LMNB2: variants seen among roughly 807,000 people sequenced by gnomAD.
The protein encoded by LMNB2 is lamin B2.
A neutral mutation model predicts 69.3 loss-of-function variants in LMNB2; 17 were observed. The observed-to-expected ratio is 0.25, with a 90% CI of 0.17 to 0.37. LMNB2 has a LOEUF of 0.37. Among genes scored for constraint, LMNB2 ranks in the 10% least tolerant of loss-of-function variants. LMNB2 has a pLI of 1.00. For missense variants in LMNB2, 789 were observed against 883.6 expected, an observed-to-expected ratio of 0.89 and a Z score of 1.36; for synonymous variants, 397 against 389.3, an observed-to-expected ratio of 1.02 and a Z score of -0.23.
chr19:2,440,055 C>A (rs1444702804), intron 2 of LMNB2, among the ~76,000 whole-genome samples: 1 of 151,982 alleles, frequency 6.6e-6, no homozygotes. Context: ...CAAAAGACCA[C>A]CTAGGCATTT....
At chr19:2,449,650 G>A (rs1365428932) in intron 1 of LMNB2, among the ~76,000 whole-genome samples, 2 of 151,604 alleles carry the variant, frequency 1.3e-5, no homozygotes, top group East Asian at 1.9e-4. Context: ...GGTGGTAGGC[G>A]CCTGTAATCC....
intron 1 of LMNB2, among the ~76,000 whole-genome samples, chr19:2,450,448 G>A (rs1297568298): frequency 1.5e-5 from 2 of 130,738 alleles, no homozygotes; most frequent in Non-Finnish European, 3.2e-5. Flanking sequence ...TACAACTTTG[G>A]GAGGCTGAGG....
chr19:2,432,472 C>T lies in LMNB2; in HGVS notation c.1534G>A (p.Glu512Lys). The part of the protein sequence containing the change: ...RIKRQVLEGE[E>K]IAYKFTPKYI... ...TTGGGCGTGAACTTGTAGGCGATCT[C>T]CTCCCCCTCCAAGACCTGCCTCTTG... Residue 512 changes from glutamate (E) to lysine (K), a missense_variant, in exon 9 of 12, where the codon GAG becomes AAG. Glu to Lys is a moderately conservative substitution (Grantham distance 56, BLOSUM62 1). Coordinates refer to ENST00000325327, the MANE Select transcript of LMNB2 (RefSeq NM_032737.4). 6.2e-7 allele frequency: 1 copy of T among 1,613,900 alleles called. No homozygotes were observed. The highest frequency in any genetic ancestry group is 8.5e-7 in the Non-Finnish European group (1 of 1,179,936).
Position 2,431,907 on chromosome 19 carries a change from G to T in LMNB2, c.1591-5C>A. The T allele has an allele frequency of 6.2e-7, 1 of 1,609,752 alleles. No homozygotes were observed. The highest frequency in any genetic ancestry group is 8.5e-7 in the Non-Finnish European group (1 of 1,179,662). On this transcript the variant is annotated splice_polypyrimidine_tract_variant and splice_region_variant and intron_variant, in intron 9 of 11. Coordinates refer to ENST00000325327, the MANE Select transcript of LMNB2 (RefSeq NM_032737.4). ...CCCCGCACCAGCTGCCCACACCTGAGGACCCAATAACAATGGCCCCATCAG... is the reference window on the plus strand; with the variant it reads ...CCCCGCACCAGCTGCCCACACCTGATGACCCAATAACAATGGCCCCATCAG...
rs111517064 is a variant in LMNB2 at position 2,447,696 on chromosome 19, G to C, written c.265-3156C>G. Among the ~76,000 whole-genome samples the C allele has an allele frequency of 8.7e-3, 1,322 of 152,326 alleles. 10 individuals are homozygous for C. Among genetic ancestry groups the C allele is most frequent in the Non-Finnish European group, 0.014 (980 of 68,036 alleles). On this transcript the variant is annotated intron_variant, in intron 1 of 11. Transcript: ENST00000325327. This position sits in a 1 kb window ranked among gnomAD's most constrained non-coding sequence, Gnocchi z 4.4. ...ACAGGGCCAAGGGTGTCTATGCAAG[G>C]TGGGTACAGGGTCGGCCTGCATCTG...
chr19:2,456,397 C>T (rs1006644363), intron 1 of LMNB2, among the ~76,000 whole-genome samples: 1 of 149,922 alleles, frequency 6.7e-6, no homozygotes, highest in African/African-American at 2.5e-5. Context: ...GCACCGCTCA[C>T]TCAGGGGCCC....
chr19:2,438,267 C>A lies in LMNB2; in HGVS notation c.580G>T (p.Ala194Ser), dbSNP rs746027881. 2 of 1,613,930 alleles carry A rather than the reference C, an allele frequency of 1.2e-6. No homozygotes were observed. Among genetic ancestry groups the A allele is most frequent in the Non-Finnish European group, 1.7e-6 (2 of 1,180,040 alleles). Residue 194 changes from alanine to serine, a missense_variant, in exon 4 of 12, where the codon GCC becomes TCC. By Grantham distance (99) the Ala-to-Ser change is moderately conservative. This residue lies in a region of LMNB2 where 609 missense variants were observed against 630.9 expected (regional missense o/e 0.97). Transcript: ENST00000325327. Reference protein sequence around the residue: ...LAKAEDGHAVAKKQLEKETLM... With the variant: ...LAKAEDGHAVSKKQLEKETLM... ...GTCTCCTTCTCCAGCTGCTTTTTGG[C>A]CACTGCATGACCGTCCTCGGCCTGG...
intron 4 of LMNB2, among the ~76,000 whole-genome samples, chr19:2,436,357 GGCAACAGA>G (rs775467508): frequency 6.7e-6 from 1 of 149,944 alleles, no homozygotes; most frequent in Non-Finnish European, 1.5e-5. Context: ...GCCCAGTGTG[GGCAACAGA>G]GCAAGACTCC....
In LMNB2 at chr19:2,438,545, G is replaced by T. The variant is rs754336724; in HGVS notation, c.402-14C>A. 4 of 1,605,532 alleles carry T rather than the reference G, an allele frequency of 2.5e-6. No individual in the cohort carries two copies. The highest frequency in any genetic ancestry group is 3.4e-6 in the Non-Finnish European group (4 of 1,175,512). On this transcript the variant is annotated splice_polypyrimidine_tract_variant and intron_variant, in intron 2 of 11. Coordinates refer to ENST00000325327, the MANE Select transcript of LMNB2 (RefSeq NM_032737.4). Reference sequence around the variant, plus strand: ...CTCTTCTTGGCGCTGAAAGTCAAGAGGGCAAGTGAGTGGGGAGGGGCAAGG... The same window carrying T: ...CTCTTCTTGGCGCTGAAAGTCAAGATGGCAAGTGAGTGGGGAGGGGCAAGG...
Position 2,430,755 on chromosome 19 carries a change from G to T in LMNB2, c.*156C>A, listed in dbSNP as rs766901646. ...AGCGAAGTGAGGCTGGAGGAGACCC[G>T]CCAGGAGGGAGGGCTGGGGGAGACC... On this transcript the variant is annotated 3_prime_UTR_variant, in exon 12 of 12. Transcript: ENST00000325327. The T allele has an allele frequency of 1.4e-6, 1 of 715,200 alleles. No individual in the cohort carries two copies. The highest frequency in any genetic ancestry group is 2.6e-6 in the Non-Finnish European group (1 of 386,306). 44.3% of individuals were successfully genotyped at this position (715,200 alleles called of 1,614,324 possible).
intron 6 of LMNB2, 110 bp from the exon 7 acceptor site, chr19:2,434,625 G>A (rs1377773891): frequency 6.0e-6 from 9 of 1,502,600 alleles, no homozygotes; most frequent in African/African-American, 1.4e-5. Flanking sequence ...GCAGAGACCA[G>A]GCCTGGGCAT....
rs1017199484 is a variant in LMNB2 at position 2,430,551 on chromosome 19, G to A, written c.*360C>T. ...ACCACTGAATTCCTACGCAGTTTCC[G>A]CGCTCCGTCCGCAGCAGGGCCGTCT... On this transcript the variant is annotated 3_prime_UTR_variant, in exon 12 of 12. Coordinates refer to ENST00000325327, the MANE Select transcript of LMNB2 (RefSeq NM_032737.4). 18 of 375,420 alleles carry A rather than the reference G, an allele frequency of 4.8e-5. No homozygotes were observed. The highest frequency in any genetic ancestry group is 1.9e-4 in the South Asian group (8 of 43,014). The allele number at this position is 375,420 out of a possible 1,614,324, so 23.3% of individuals were successfully genotyped here. A position where few individuals can be genotyped will look rare whatever the true frequency, so the allele number is the denominator to read the frequency against.
chr19:2,428,344 T>TG lies in LMNB2; in HGVS notation c.*2566dup, dbSNP rs569250924. 18 of 152,384 alleles carry TG rather than the reference T, an allele frequency of 1.2e-4. No homozygotes were observed. The East Asian group carries it at 3.1e-3, about 26-fold the overall frequency. The allele number at this position is 152,384 out of a possible 1,614,324, so 9.4% of individuals were successfully genotyped here. On this transcript the variant is annotated 3_prime_UTR_variant, in exon 12 of 12. Coordinates refer to ENST00000325327, the MANE Select transcript of LMNB2 (RefSeq NM_032737.4). ...AGCCCAGCTCCGTTTTTGCAGGTTGTGCTGTGACGCTCGCTGGACGCAGGG... is the reference window on the plus strand; with the variant it reads ...AGCCCAGCTCCGTTTTTGCAGGTTGTGGCTGTGACGCTCGCTGGACGCAGGG...
chr19:2,454,666 G>C (rs532193489), intron 1 of LMNB2, among the ~76,000 whole-genome samples: 1 of 152,120 alleles, frequency 6.6e-6, no homozygotes, highest in Non-Finnish European at 1.5e-5. Flanking sequence ...GGGACTGGGC[G>C]CTGCAAATCC....
rs1220302507 is a variant in LMNB2 at position 2,428,280 on chromosome 19, C to T, written c.*2631G>A. 2 of 152,188 alleles carry T rather than the reference C, an allele frequency of 1.3e-5. No homozygotes were observed. The highest frequency in any genetic ancestry group is 2.4e-5 in the African/African-American group (1 of 41,436). The allele number at this position is 152,188 out of a possible 1,614,324, so 9.4% of individuals were successfully genotyped here. On this transcript the variant is annotated 3_prime_UTR_variant, in exon 12 of 12. Coordinates refer to ENST00000325327, the MANE Select transcript of LMNB2 (RefSeq NM_032737.4). Reference sequence around the variant, plus strand: ...ATTAGGCATGCATCTTCTTAAAAACCGAATCTCTGAAATGAAAGTCCATGC... The same window carrying T: ...ATTAGGCATGCATCTTCTTAAAAACTGAATCTCTGAAATGAAAGTCCATGC...
chr19:2,447,087 T>C lies in LMNB2; in HGVS notation c.265-2547A>G, dbSNP rs1454710095. Among the ~76,000 whole-genome samples the C allele has an allele frequency of 7.2e-6, 1 of 139,342 alleles. No homozygotes were observed. Among genetic ancestry groups the C allele is most frequent in the African/African-American group, 2.7e-5 (1 of 36,534 alleles). 91.4% of individuals were successfully genotyped at this position (139,342 alleles called of 152,430 possible). On this transcript the variant is annotated intron_variant, in intron 1 of 11. Coordinates refer to ENST00000325327, the MANE Select transcript of LMNB2 (RefSeq NM_032737.4). This position sits in a 1 kb window ranked among gnomAD's most constrained non-coding sequence, Gnocchi z 4.4. ...TGAACCCGGGAGGTGGAACTTGCAG[T>C]GAGCCGAGATCGCACCACTGCCCTC...
chr19:2,435,371 G>A (rs947027752), intron 4 of LMNB2, among the ~76,000 whole-genome samples, 200 bp from the exon 5 acceptor site: 4 of 152,248 alleles, frequency 2.6e-5, no homozygotes, highest in Non-Finnish European at 4.4e-5. Context: ...CCACGAAAAG[G>A]AGCGAGGCTC....
At chr19:2,455,143 C>T (rs1972073386) in intron 1 of LMNB2, among the ~76,000 whole-genome samples, 1 of 152,054 alleles carries the variant, frequency 6.6e-6, no homozygotes, top group Admixed American at 6.6e-5. Context: ...CACCCTGGGC[C>T]TGGTGAGAGA....
chr19:2,438,637 T>C, intron 2 of LMNB2, 106 bp from the exon 3 acceptor site: 1 of 1,387,776 alleles, frequency 7.2e-7, no homozygotes, highest in East Asian at 2.4e-5. Context: ...CACCGAGGCC[T>C]CCGAGCCCCA....
Sources: gnomAD v4.1 joint callset for allele counts (sites outside exome capture counted in the v4.1 genomes callset) on GRCh38, gnomAD v4.1.1 for gene constraint, gnomAD v4.1.1 regional missense constraint, Gnocchi (gnomAD v3.1) non-coding constraint, MANE v1.5 for transcripts, NCBI Gene and HGNC (gene_info 2026-07-23, HGNC 2026-07-21) for gene names.